The following JAM3 variants were observed in gnomAD, a reference collection of about 807,000 sequenced individuals.
JAM3 encodes the protein junctional adhesion molecule C.
JAM3 carries 31 observed loss-of-function variants against 39.4 expected under a neutral mutation model. The observed-to-expected ratio is 0.79, with a 90% confidence interval of 0.59 to 1.06. JAM3 has a LOEUF of 1.06. Ranked by LOEUF, JAM3 falls within the 50% of genes least tolerant of loss-of-function variation. The probability of loss-of-function intolerance (pLI) is 0.00; values close to 1 mark genes in which losing one functional copy is unlikely to be tolerated. For missense variants in JAM3, 455 were observed against 391.4 expected (o/e 1.16, Z -1.37); for synonymous variants, 182 against 148.7 (o/e 1.22, Z -1.63).
At chr11:134,139,505 G>A in intron 1 of JAM3, 1 of 333,696 alleles carries the variant, frequency 3.0e-6, no homozygotes, top group Non-Finnish European at 5.8e-6. Flanking sequence ...AAGATGGAGG[G>A]AGAAAGGGCA....
intron 1 of JAM3, among the ~76,000 whole-genome samples, chr11:134,130,861 T>C (rs1942756643): frequency 6.6e-6 from 1 of 152,128 alleles, no homozygotes; most frequent in African/African-American, 2.4e-5. Context: ...CTTGTCTCTG[T>C]CTTGTATAAT....
intron 1 of JAM3, among the ~76,000 whole-genome samples, chr11:134,101,143 C>T (rs1227809499): frequency 3.9e-5 from 6 of 152,156 alleles, no homozygotes; most frequent in African/African-American, 1.4e-4. Context: ...TACCCATCTT[C>T]AAACAGAAAC....
chr11:134,085,046 G>A (rs1941726587), intron 1 of JAM3, among the ~76,000 whole-genome samples: 1 of 152,170 alleles, frequency 6.6e-6, no homozygotes, highest in Admixed American at 6.5e-5. Context: ...GGAATACTCT[G>A]CCATCTTATT....
At chr11:134,092,559 T>G (rs61909680) in intron 1 of JAM3, among the ~76,000 whole-genome samples, 37 of 136,448 alleles carry the variant, frequency 2.7e-4, no homozygotes, top group East Asian at 6.9e-4. Context: ...TATTCATCAT[T>G]TTCCATCTTA....
chr11:134,072,460 C>T (rs1237274817), intron 1 of JAM3, among the ~76,000 whole-genome samples: 1 of 152,094 alleles, frequency 6.6e-6, no homozygotes, highest in African/African-American at 2.4e-5. Flanking sequence ...ATGCGTGCCA[C>T]CTTGCCTGAC....
At chr11:134,140,877 C>T (rs1591806082) in intron 3 of JAM3, 107 bp downstream of exon 3, 1 of 1,379,894 alleles carries the variant, frequency 7.2e-7, no homozygotes, top group East Asian at 2.6e-5. Context: ...GCATCTGTAG[C>T]TAGGACCGTT....
chr11:134,077,769 C>T (rs1941597050), intron 1 of JAM3, among the ~76,000 whole-genome samples: 1 of 151,054 alleles, frequency 6.6e-6, no homozygotes, highest in African/African-American at 2.4e-5. Flanking sequence ...GCCTCAGCCT[C>T]CTGAGTAGCT....
At chr11:134,087,745 TGTTAA>T (rs1188539968) in intron 1 of JAM3, among the ~76,000 whole-genome samples, 6 of 152,190 alleles carry the variant, frequency 3.9e-5, no homozygotes, top group African/African-American at 1.4e-4. Context: ...AATCCCTTTA[TGTTAA>T]GTTTTCTACC....
rs1411543182 is a variant in JAM3, at chr11:134,151,776, T to C, written c.*2595T>C. 1 of 152,210 alleles carries C rather than the reference T, an allele frequency of 6.6e-6. No homozygotes were observed. The highest frequency in any genetic ancestry group is 6.5e-5 in the Admixed American group (1 of 15,282). The allele number at this position is 152,210 out of a possible 1,614,324, so 9.4% of individuals were successfully genotyped here. Reference sequence around the variant, plus strand: ...CAAACATTGCTTCATTCTTTGTTATTTGCTCTTACGTTGGGTTTGTCTCTT... The same window carrying C: ...CAAACATTGCTTCATTCTTTGTTATCTGCTCTTACGTTGGGTTTGTCTCTT... On this transcript the variant is annotated 3_prime_UTR_variant, in exon 9 of 9. Coordinates refer to ENST00000299106, the MANE Select transcript of JAM3 (RefSeq NM_032801.5).
In JAM3 at chr11:134,136,909, C is replaced by G. The variant is rs183719836; in HGVS notation, c.77-2942C>G. Among the ~76,000 whole-genome samples, 1,412 of 152,152 alleles carry G rather than the reference C, an allele frequency of 9.3e-3. 15 individuals carry two copies. The highest frequency in any genetic ancestry group is 0.039 in the South Asian group (190 of 4,820). Reference sequence around the variant, plus strand: ...CGGACGGATCACAAGGTCAGGAGATCGAGACCATCCTGGCTAACACGGTGA... The same window carrying G: ...CGGACGGATCACAAGGTCAGGAGATGGAGACCATCCTGGCTAACACGGTGA... On this transcript the variant is annotated intron_variant, in intron 1 of 8. Coordinates refer to ENST00000299106, the MANE Select transcript of JAM3 (RefSeq NM_032801.5).
At chr11:134,148,368 G>T in intron 6 of JAM3, 179 bp from the exon 7 acceptor site, 2 of 675,320 alleles carry the variant, frequency 3.0e-6, no homozygotes, top group East Asian at 5.3e-5. Context: ...AGGAGTTATG[G>T]TGTCCTATAT....
intron 1 of JAM3, among the ~76,000 whole-genome samples, chr11:134,109,341 A>G (rs1012594016): frequency 6.6e-6 from 1 of 152,194 alleles, no homozygotes; most frequent in South Asian, 2.1e-4. Flanking sequence ...CTTAAAAAAA[A>G]TTAGGAAGAA....
At chr11:134,103,682 T>C (rs1382551967) in intron 1 of JAM3, among the ~76,000 whole-genome samples, 1 of 151,478 alleles carries the variant, frequency 6.6e-6, no homozygotes, top group Non-Finnish European at 1.5e-5. Flanking sequence ...ACCAAGCAAG[T>C]GGAAAACAAA....
At chr11:134,128,704 C>T (rs1052278111) in intron 1 of JAM3, among the ~76,000 whole-genome samples, 4 of 145,046 alleles carry the variant, frequency 2.8e-5, no homozygotes, top group African/African-American at 1.1e-4. Context: ...TCCCCTATGC[C>T]TTCCACCATG....
In JAM3 at chr11:134,141,514, G is replaced by A. The variant is rs569128318; in HGVS notation, c.256+744G>A. ...AGGCAGACTGCACTGAATGCCAGGC[G>A]AGCATGGGCGGTATCTGAGGGCCCG... On this transcript the variant is annotated intron_variant, in intron 3 of 8. Coordinates refer to ENST00000299106, the MANE Select transcript of JAM3 (RefSeq NM_032801.5). Among the ~76,000 whole-genome samples the A allele has an allele frequency of 5.9e-5, 9 of 152,192 alleles. No individual in the cohort carries two copies. The East Asian group carries it at 7.8e-4, about 13-fold the overall frequency.
At chr11:134,069,206 A>C in intron 1 of JAM3, 47 bp downstream of exon 1, 1 of 1,596,984 alleles carries the variant, frequency 6.3e-7, no homozygotes, top group Non-Finnish European at 8.5e-7. Context: ...TCTGGGGGCG[A>C]CGGAAGCAGA....
chr11:134,139,671 C>G (rs953665462), intron 1 of JAM3, 180 bp from the exon 2 acceptor site: 11 of 632,816 alleles, frequency 1.7e-5, no homozygotes, highest in Non-Finnish European at 2.9e-5. Context: ...CAGTGAAGGT[C>G]AGATTTGAGA....
intron 1 of JAM3, among the ~76,000 whole-genome samples, chr11:134,118,186 C>T (rs866305344): frequency 3.9e-5 from 6 of 152,174 alleles, no homozygotes; most frequent in Non-Finnish European, 7.3e-5. Context: ...TTTAGTCATA[C>T]ACATTTGTCA....
intron 1 of JAM3, among the ~76,000 whole-genome samples, chr11:134,126,101 T>C (rs563710200): frequency 5.1e-4 from 78 of 152,280 alleles, no homozygotes; most frequent in African/African-American, 1.7e-3. Context: ...TCCTGCGACA[T>C]CCCTTCCCTG....
Sources: gnomAD v4.1 joint callset for allele counts (sites outside exome capture counted in the v4.1 genomes callset) on GRCh38, gnomAD v4.1.1 for gene constraint, MANE v1.5 for transcripts, NCBI Gene and HGNC (gene_info 2026-07-23, HGNC 2026-07-21) for gene names.